DLEC1: variants seen among roughly 807,000 people sequenced by gnomAD.
The protein encoded by DLEC1 is deleted in lung and esophageal cancer protein 1.
Under a neutral mutation model 198.1 loss-of-function variants are expected in DLEC1, and 146 were observed. The ratio of observed to expected loss-of-function variants is 0.74; its 90% CI spans 0.64 to 0.85. The LOEUF (loss-of-function observed/expected upper bound fraction) is 0.85. Among genes scored for constraint, DLEC1 ranks in the 40% least tolerant of loss-of-function variants. The pLI is 0.00. For missense variants in DLEC1, 2,233 were observed against 2,220.0 expected, an observed-to-expected ratio of 1.01 and a Z score of -0.12; for synonymous variants, 897 against 866.8, an observed-to-expected ratio of 1.03 and a Z score of -0.61.
At chr3:38,110,426 C>T (rs957150070) in intron 23 of DLEC1, 145 bp downstream of exon 23, 9 of 1,058,042 alleles carry the variant, frequency 8.5e-6, no homozygotes, top group Non-Finnish European at 9.5e-6. Flanking sequence ...TGGGGACAGG[C>T]AGAGAGGAAA....
chr3:38,056,560 T>A (rs1367524339), intron 2 of DLEC1, among the ~76,000 whole-genome samples: 1 of 152,202 alleles, frequency 6.6e-6, no homozygotes, highest in East Asian at 1.9e-4. Context: ...TCTGCCCACC[T>A]CGGCCTCCCA....
intron 6 of DLEC1, among the ~76,000 whole-genome samples, chr3:38,064,823 C>A (rs532070211): frequency 6.6e-6 from 1 of 151,154 alleles, no homozygotes; most frequent in East Asian, 2.0e-4. Flanking sequence ...GATGGGATGA[C>A]GGCCAGGAAG....
intron 18 of DLEC1, among the ~76,000 whole-genome samples, chr3:38,099,568 C>T (rs1380767372): frequency 1.3e-5 from 2 of 152,164 alleles, no homozygotes; most frequent in African/African-American, 2.4e-5. Flanking sequence ...CAGCCACCCC[C>T]AGAGCTCCAA....
chr3:38,088,212 A>T, intron 9 of DLEC1, 84 bp from the exon 10 acceptor site: 1 of 1,208,254 alleles, frequency 8.3e-7, no homozygotes. Context: ...TGCAAAATGG[A>T]TGTTTGAAGG....
chr3:38,085,561 A>G (rs1429159253), intron 8 of DLEC1, 114 bp downstream of exon 8: 5 of 1,326,310 alleles, frequency 3.8e-6, no homozygotes, highest in Non-Finnish European at 5.2e-6. Context: ...TCTCTTGGGC[A>G]GGGGCCGTGG....
At chr3:38,097,422 G>A (rs1221927306) in intron 16 of DLEC1, 85 bp from the exon 17 acceptor site, 2 of 1,588,972 alleles carry the variant, frequency 1.3e-6, no homozygotes, top group African/African-American at 2.7e-5. Context: ...TGAGAAGTCT[G>A]TGCAAGCCAG....
At chr3:38,046,105 TGAG>T (rs1360508499) in intron 2 of DLEC1, among the ~76,000 whole-genome samples, 5 of 152,200 alleles carry the variant, frequency 3.3e-5, no homozygotes, top group African/African-American at 4.8e-5. Context: ...AAAGGAAAAG[TGAG>T]GAGGATTACA....
At position 38,063,838 on chromosome 3, in the gene DLEC1, C is replaced by T; in HGVS notation, c.1095-3C>T. The T allele has an allele frequency of 6.2e-7, 1 of 1,612,496 alleles. No homozygotes were observed. The highest frequency in any genetic ancestry group is 8.5e-7 in the Non-Finnish European group (1 of 1,178,906). The stretch of plus-strand genomic sequence containing the variant: ...TTTCTCCCCCTCTTTTTTCATCCCA[C>T]AGTTGTGCTGATACTCCAGTGTTTC... On this transcript the variant is annotated splice_polypyrimidine_tract_variant and splice_region_variant and intron_variant, in intron 5 of 36. Coordinates refer to ENST00000308059, the MANE Select transcript of DLEC1 (RefSeq NM_007335.4).
At chr3:38,051,171 G>A (rs998019743) in intron 2 of DLEC1, among the ~76,000 whole-genome samples, 1 of 152,320 alleles carries the variant, frequency 6.6e-6, no homozygotes, top group African/African-American at 2.4e-5. Context: ...ACAGTGCTGG[G>A]ATTACAGGCG....
Position 38,114,373 on chromosome 3 carries a change from T to C in DLEC1, c.3698T>C (p.Val1233Ala). ...VGDLLPEVIP[V>A]HMAAVGCPIS... ...GACCTGCTGCCGGAAGTCATCCCAGTGCACATGGCAGCGGTGGGCTGCCCC... is the reference window on the plus strand; with the variant it reads ...GACCTGCTGCCGGAAGTCATCCCAGCGCACATGGCAGCGGTGGGCTGCCCC... Residue 1233 changes from valine to alanine, a missense_variant, in exon 26 of 37, where the codon GTG becomes GCG. By Grantham distance (64) the Val-to-Ala change is moderately conservative. Transcript: ENST00000308059. 3.1e-6 allele frequency: 5 copies of C among 1,614,176 alleles called. No individual in the cohort carries two copies. Among genetic ancestry groups the C allele is most frequent in the Non-Finnish European group, 4.2e-6 (5 of 1,180,008 alleles).
chr3:38,059,763 G>C lies in DLEC1; in HGVS notation c.584G>C (p.Cys195Ser), dbSNP rs775341611. 4.3e-5 allele frequency: 69 copies of C among 1,614,132 alleles called. No individual in the cohort carries two copies. The highest frequency in any genetic ancestry group is 5.8e-5 in the Non-Finnish European group (69 of 1,179,992). The change falls in exon 3 of 37, where the codon TGT becomes TCT. Residue 195 changes from cysteine (C) to serine (S), a missense_variant. Cys to Ser is a moderately radical substitution (Grantham distance 112, BLOSUM62 -1). Transcript: ENST00000308059. ...LPPVKSVSRW[C>S]IDSELLRKHH... ...GAAGTGAAGAGTGTCTCCAGATGGT[G>C]TATAGACAGCGAGTTGCTACGGAAA...
At chr3:38,083,971 A>G (rs1375864183) in intron 6 of DLEC1, among the ~76,000 whole-genome samples, 187 bp from the exon 7 acceptor site, 3 of 152,104 alleles carry the variant, frequency 2.0e-5, no homozygotes, top group African/African-American at 7.2e-5. Context: ...AAAACAAACA[A>G]AAGTACATAG....
intron 11 of DLEC1, 150 bp downstream of exon 11, chr3:38,093,030 G>A: frequency 1.3e-6 from 1 of 775,526 alleles, no homozygotes; most frequent in East Asian, 2.7e-5. Flanking sequence ...AGGTGCCAGA[G>A]TCTCGTTTCA....
intron 18 of DLEC1, among the ~76,000 whole-genome samples, chr3:38,098,226 A>AGGC (rs1213974083): frequency 6.6e-6 from 1 of 152,096 alleles, no homozygotes; most frequent in African/African-American, 2.4e-5. Flanking sequence ...GAAGCCTCCA[A>AGGC]GGCTGCTGCT....
At chr3:38,098,581 C>G (rs1024365509) in intron 18 of DLEC1, among the ~76,000 whole-genome samples, 41 of 152,156 alleles carry the variant, frequency 2.7e-4, no homozygotes, top group African/African-American at 9.9e-4. Flanking sequence ...ATGTGAGACC[C>G]TGGCCATGTC....
At position 38,085,278 on chromosome 3, in the gene DLEC1, G is replaced by C. The variant is rs1263073859; in HGVS notation, c.1266G>C (p.Met422Ile). The C allele has an allele frequency of 6.2e-7, 1 of 1,614,160 alleles. No homozygotes were observed. Among genetic ancestry groups the C allele is most frequent in the Admixed American group, 1.7e-5 (1 of 60,030 alleles). The change falls in exon 8 of 37, where the codon ATG (methionine) becomes ATC (isoleucine). Residue 422 changes from methionine to isoleucine, a missense_variant. Physicochemically the swap from Met to Ile is conservative, Grantham distance 10 (BLOSUM62 1). Coordinates refer to ENST00000308059, the MANE Select transcript of DLEC1 (RefSeq NM_007335.4). The part of the protein sequence containing the change: ...STPYFALGLG[M>I]FPGKGGMVAP... ...TGTCACTTTTGTCATGCACAGGGATGTTCCCAGGAAAAGGTGGAATGGTGG... is the reference window on the plus strand; with the variant it reads ...TGTCACTTTTGTCATGCACAGGGATCTTCCCAGGAAAAGGTGGAATGGTGG...
At chr3:38,100,675 A>T (rs1183332573) in intron 19 of DLEC1, among the ~76,000 whole-genome samples, 1 of 152,202 alleles carries the variant, frequency 6.6e-6, no homozygotes, top group Non-Finnish European at 1.5e-5. Flanking sequence ...GATGTAAATT[A>T]GTATAACTAC....
chr3:38,118,096 G>A (rs1700280481), intron 33 of DLEC1, 72 bp downstream of exon 33: 31 of 1,496,862 alleles, frequency 2.1e-5, no homozygotes, highest in Non-Finnish European at 2.7e-5. Context: ...ACCCCTGCAC[G>A]CCACCCTCAG....
At chr3:38,067,806 G>A (rs960290380) in intron 6 of DLEC1, among the ~76,000 whole-genome samples, 3 of 147,640 alleles carry the variant, frequency 2.0e-5, no homozygotes, top group Non-Finnish European at 3.0e-5. Context: ...AAGCTGGAGT[G>A]CAGTTGCAGG....
Sources: gnomAD v4.1 joint callset for allele counts (sites outside exome capture counted in the v4.1 genomes callset) on GRCh38, gnomAD v4.1.1 for gene constraint, MANE v1.5 for transcripts, NCBI Gene and HGNC (gene_info 2026-07-23, HGNC 2026-07-21) for gene names.